ROBO1: variants seen among roughly 807,000 people sequenced by gnomAD.
ROBO1 encodes roundabout guidance receptor 1.
In ROBO1, 149 loss-of-function variants were observed where a neutral mutation model predicts 195.9. The ratio of observed to expected loss-of-function variants is 0.76; its 90% CI spans 0.67 to 0.87. The LOEUF (loss-of-function observed/expected upper bound fraction) is 0.87, where lower values mean the gene tolerates loss of function less well. Among genes scored for constraint, ROBO1 ranks in the 40% least tolerant of loss-of-function variants. The probability of loss-of-function intolerance (pLI) is 0.00; values close to 1 mark genes in which losing one functional copy is unlikely to be tolerated. For missense variants in ROBO1, 1,933 were observed against 2,068.3 expected, an observed-to-expected ratio of 0.93 and a Z score of 1.27; for synonymous variants, 816 against 733.2, an observed-to-expected ratio of 1.11 and a Z score of -1.82.
chr3:78,782,929 A>T (rs979890768), intron 4 of ROBO1, among the ~76,000 whole-genome samples: 1 of 152,036 alleles, frequency 6.6e-6, no homozygotes, highest in Admixed American at 6.6e-5. Flanking sequence ...TGTTGAATAA[A>T]CTCATTCAGG....
chr3:79,145,169 T>C (rs2080620002), intron 2 of ROBO1, among the ~76,000 whole-genome samples: 1 of 151,970 alleles, frequency 6.6e-6, no homozygotes, highest in South Asian at 2.1e-4. Context: ...TGAGGAAATA[T>C]ATAGGTAACT....
At chr3:79,473,941 G>A (rs574706494) in intron 2 of ROBO1, among the ~76,000 whole-genome samples, 1 of 152,206 alleles carries the variant, frequency 6.6e-6, no homozygotes, top group African/African-American at 2.4e-5. Flanking sequence ...TAAGAAATAT[G>A]TGAGTTCTGA....
At chr3:79,587,918 A>G (rs1943879068) in intron 2 of ROBO1, among the ~76,000 whole-genome samples, 2 of 151,750 alleles carry the variant, frequency 1.3e-5, no homozygotes, top group Non-Finnish European at 2.9e-5. Flanking sequence ...AAAAGCTAAC[A>G]GCATATTTCT....
intron 4 of ROBO1, among the ~76,000 whole-genome samples, chr3:78,764,632 A>G (rs547453671): frequency 6.6e-6 from 1 of 152,278 alleles, no homozygotes; most frequent in East Asian, 1.9e-4. Flanking sequence ...TAATATAGTA[A>G]GTAATATCCT....
intron 8 of ROBO1, among the ~76,000 whole-genome samples, chr3:78,690,478 T>C (rs2081147734): frequency 2.0e-5 from 3 of 152,062 alleles, no homozygotes; most frequent in Non-Finnish European, 2.9e-5. Context: ...ACTGTGATTG[T>C]AATTGAATGG....
At chr3:79,527,437 G>A (rs1941478259) in intron 2 of ROBO1, among the ~76,000 whole-genome samples, 1 of 151,912 alleles carries the variant, frequency 6.6e-6, no homozygotes, top group South Asian at 2.1e-4. Context: ...ATGTACCACC[G>A]AATCTAAAAT....
rs987086538 is a variant in ROBO1 at position 78,597,721 on chromosome 3, CT to C, written c.*1191del. The C allele has an allele frequency of 6.6e-6, 1 of 152,398 alleles. No homozygotes were observed. The highest frequency in any genetic ancestry group is 2.4e-5 in the African/African-American group (1 of 41,420). 9.4% of individuals were successfully genotyped at this position (152,398 alleles called of 1,614,324 possible). Reference sequence around the variant, plus strand: ...CATTGGCCACAACAAACTTAAACCTCTTTTTTTCTTTAAGTCCAGGAAAAGT... The same window carrying C: ...CATTGGCCACAACAAACTTAAACCTCTTTTTTCTTTAAGTCCAGGAAAAGT... On this transcript the variant is annotated 3_prime_UTR_variant, in exon 31 of 31. Coordinates refer to ENST00000464233, the MANE Select transcript of ROBO1 (RefSeq NM_002941.4).
chr3:78,833,033 C>T (rs986052044), intron 4 of ROBO1, among the ~76,000 whole-genome samples: 7 of 151,984 alleles, frequency 4.6e-5, no homozygotes, highest in South Asian at 2.1e-4. Context: ...TGGACTTTAT[C>T]CTGTAGGTAA....
intron 2 of ROBO1, among the ~76,000 whole-genome samples, chr3:79,399,138 G>A (rs2106768974): frequency 6.6e-6 from 1 of 152,230 alleles, no homozygotes; most frequent in Admixed American, 6.5e-5. Flanking sequence ...TATGCTTGCA[G>A]CTCCTCTGAG....
chr3:79,752,651 T>C (rs1704182351), intron 1 of ROBO1, among the ~76,000 whole-genome samples: 1 of 152,072 alleles, frequency 6.6e-6, no homozygotes, highest in South Asian at 2.1e-4. Flanking sequence ...GCAGCACAGC[T>C]GATTGGCATA....
chr3:79,740,814 T>C (rs1030631272), intron 1 of ROBO1, among the ~76,000 whole-genome samples: 3 of 152,208 alleles, frequency 2.0e-5, no homozygotes, highest in African/African-American at 7.2e-5. Context: ...ACAGTTAAAA[T>C]TATTTTCACT....
At chr3:78,831,042 A>T (rs948003254) in intron 4 of ROBO1, among the ~76,000 whole-genome samples, 1 of 151,944 alleles carries the variant, frequency 6.6e-6, no homozygotes, top group Admixed American at 6.6e-5. Context: ...CCTCCTGAGT[A>T]GCTGGGATTA....
intron 21 of ROBO1, among the ~76,000 whole-genome samples, chr3:78,643,640 T>A (rs1706103070): frequency 6.6e-6 from 1 of 152,146 alleles, no homozygotes. Flanking sequence ...CTGTGGACTT[T>A]GCATATTATG....
intron 2 of ROBO1, among the ~76,000 whole-genome samples, chr3:79,566,078 T>C (rs753036324): frequency 5.3e-5 from 8 of 152,088 alleles, no homozygotes; most frequent in African/African-American, 9.6e-5. Flanking sequence ...CCTTTTAGTA[T>C]TAAAAATATT....
intron 4 of ROBO1, among the ~76,000 whole-genome samples, chr3:78,773,967 T>A (rs1379668177): frequency 6.6e-6 from 1 of 152,250 alleles, no homozygotes; most frequent in Non-Finnish European, 1.5e-5. Context: ...AGGAGCTTAA[T>A]AGATACTTTT....
rs76219003 is a variant in ROBO1, at chr3:78,797,406, G to A, written c.500-50506C>T. Among the ~76,000 whole-genome samples the A allele has an allele frequency of 9.7e-4, 148 of 152,214 alleles. 5 individuals are homozygous for A. The East Asian group carries it at 0.027, about 28-fold the overall frequency. On this transcript the variant is annotated intron_variant, in intron 4 of 30. Transcript: ENST00000464233. Reference sequence around the variant, plus strand: ...ATACACAGTATTGTTATGAACGAACGTATGAAATGGGAAGGCTCTACTGTC... The same window carrying A: ...ATACACAGTATTGTTATGAACGAACATATGAAATGGGAAGGCTCTACTGTC...
chr3:79,748,062 G>T (rs917586912), intron 1 of ROBO1, among the ~76,000 whole-genome samples: 1 of 151,926 alleles, frequency 6.6e-6, no homozygotes, highest in Non-Finnish European at 1.5e-5. Context: ...TACTACTGCA[G>T]ATTTTGTTAG....
At chr3:79,506,539 G>A (rs1284623117) in intron 2 of ROBO1, among the ~76,000 whole-genome samples, 1 of 151,934 alleles carries the variant, frequency 6.6e-6, no homozygotes. Flanking sequence ...CCACCTCCCG[G>A]GTTCAAGTAA....
rs536547008 is a variant in ROBO1, at chr3:78,695,457, C to T, written c.1046-6685G>A. 1.4e-4 allele frequency among the ~76,000 whole-genome samples: 21 copies of T among 151,812 alleles called. No homozygotes were observed. In the East Asian group the frequency reaches 3.1e-3, roughly 23 times the overall value. On this transcript the variant is annotated intron_variant, in intron 8 of 30. Coordinates refer to ENST00000464233, the MANE Select transcript of ROBO1 (RefSeq NM_002941.4). ...TGGCTAATACAGTGAAACCCCATCT[C>T]TACTAAAATTACAAAAAGTTACCCA...
Sources: allele counts gnomAD v4.1 joint callset (sites outside exome capture counted in the v4.1 genomes callset), GRCh38; gene constraint gnomAD v4.1.1; transcripts MANE v1.5; gene names NCBI Gene and HGNC (gene_info 2026-07-23, HGNC 2026-07-21).